The following NCKAP1 variants were observed in gnomAD, a reference collection of about 807,000 sequenced individuals.
NCKAP1 encodes nck-associated protein 1.
NCKAP1 carries 21 observed loss-of-function variants against 151.2 expected under a neutral mutation model. The ratio of observed to expected loss-of-function variants is 0.14; its 90% CI spans 0.10 to 0.20. The LOEUF (loss-of-function observed/expected upper bound fraction) is 0.20, where lower values mean the gene tolerates loss of function less well. Among genes scored for constraint, NCKAP1 ranks in the 10% least tolerant of loss-of-function variants. The pLI, the probability that NCKAP1 is intolerant of heterozygous loss-of-function variation, is 1.00. For synonymous variants in NCKAP1, 484 were observed against 451.8 expected, an observed-to-expected ratio of 1.07 and a Z score of -0.90; for missense variants, 933 against 1,352.1, an observed-to-expected ratio of 0.69 and a Z score of 4.86.
At chr2:183,032,250 C>G (rs1197221784) in intron 1 of NCKAP1, among the ~76,000 whole-genome samples, 1 of 152,194 alleles carries the variant, frequency 6.6e-6, no homozygotes, top group Non-Finnish European at 1.5e-5. Flanking sequence ...TATCTAGAAT[C>G]TAGCTCTCTC....
chr2:182,955,615 A>G (rs1251870071), intron 20 of NCKAP1, among the ~76,000 whole-genome samples: 1 of 152,204 alleles, frequency 6.6e-6, no homozygotes, highest in African/African-American at 2.4e-5. Context: ...GAAAACATGT[A>G]AGGGTTCATC....
At chr2:182,969,348 T>G (rs960790545) in intron 15 of NCKAP1, among the ~76,000 whole-genome samples, 18 of 152,042 alleles carry the variant, frequency 1.2e-4, no homozygotes, top group African/African-American at 4.3e-4. Flanking sequence ...CTGAACAATG[T>G]AGAAATTAAG....
intron 8 of NCKAP1, among the ~76,000 whole-genome samples, chr2:182,990,642 A>G (rs1169902452): frequency 6.6e-6 from 1 of 152,110 alleles, no homozygotes. Context: ...CTATATATAC[A>G]AGGTTCTGTA....
At chr2:183,004,921 G>A (rs1575060339) in intron 2 of NCKAP1, among the ~76,000 whole-genome samples, 1 of 150,884 alleles carries the variant, frequency 6.6e-6, no homozygotes, top group Non-Finnish European at 1.5e-5. Flanking sequence ...ATTCACAAAT[G>A]AAATATTTCA....
chr2:182,929,031 T>C, intron 27 of NCKAP1, 132 bp from the exon 28 acceptor site: 1 of 589,330 alleles, frequency 1.7e-6, no homozygotes, highest in Non-Finnish European at 3.0e-6. Flanking sequence ...ACTATTTTAC[T>C]AGCATTCTAT....
At chr2:182,994,523 C>G (rs940901710) in intron 8 of NCKAP1, among the ~76,000 whole-genome samples, 1 of 151,908 alleles carries the variant, frequency 6.6e-6, no homozygotes, top group Non-Finnish European at 1.5e-5. Context: ...CCTGTTGTCC[C>G]GGCTACTCGG....
In NCKAP1 at chr2:183,012,826, T is replaced by G. The variant is rs191657585; in HGVS notation, c.220-9501A>C. The stretch of plus-strand genomic sequence containing the variant: ...CTTTAGTAGAGACAGGGTTTCACCA[T>G]GTTGGTCAGGCTGGTCTCGAACTCC... On this transcript the variant is annotated intron_variant, in intron 2 of 30. Coordinates refer to ENST00000361354, the MANE Select transcript of NCKAP1 (RefSeq NM_013436.5). Among the ~76,000 whole-genome samples the G allele has an allele frequency of 6.3e-3, 949 of 150,140 alleles. 9 individuals are homozygous for G. The highest frequency in any genetic ancestry group is 0.022 in the African/African-American group (899 of 40,402).
rs1696495976 is a variant in NCKAP1, at chr2:182,918,223, G to C, written c.*7479C>G. 6.6e-6 allele frequency: 1 copy of C among 152,186 alleles called. No individual in the cohort carries two copies. Among genetic ancestry groups the C allele is most frequent in the South Asian group, 2.1e-4 (1 of 4,826 alleles). 9.4% of individuals were successfully genotyped at this position (152,186 alleles called of 1,614,324 possible). A position where few individuals can be genotyped will look rare whatever the true frequency, so the allele number is the denominator to read the frequency against. On this transcript the variant is annotated 3_prime_UTR_variant, in exon 31 of 31. Transcript: ENST00000361354. ...GAAGTAATGGATATGAAAATGTCTAGTATCAAGAGTAGCATAATGTAAGCC... is the reference window on the plus strand; with the variant it reads ...GAAGTAATGGATATGAAAATGTCTACTATCAAGAGTAGCATAATGTAAGCC...
intron 23 of NCKAP1, among the ~76,000 whole-genome samples, chr2:182,945,463 TC>T (rs1489297996): frequency 1.3e-5 from 2 of 151,086 alleles, no homozygotes; most frequent in Non-Finnish European, 2.9e-5. Context: ...ATATTACAAT[TC>T]CCCCCAAAAC....
intron 1 of NCKAP1, among the ~76,000 whole-genome samples, chr2:183,037,597 G>C (rs1049358518): frequency 6.6e-6 from 1 of 152,150 alleles, no homozygotes; most frequent in Non-Finnish European, 1.5e-5. Context: ...TAAGAATATG[G>C]AACACTCAAG....
intron 19 of NCKAP1, 72 bp downstream of exon 19, chr2:182,957,385 T>G: frequency 6.8e-7 from 1 of 1,466,578 alleles, no homozygotes; most frequent in Non-Finnish European, 9.2e-7. Context: ...TCCTCAGTAC[T>G]AATGTCAATA....
rs374212956 is a variant in NCKAP1, at chr2:182,962,190, A to G, written c.1850T>C (p.Ile617Thr). ...ACTAAGGGTACACTGTTCTGTGCAAATATCAGTGATGAGATTTCGAGCTTG... is the reference window on the plus strand; with the variant it reads ...ACTAAGGGTACACTGTTCTGTGCAAGTATCAGTGATGAGATTTCGAGCTTG... ...AKQARNLITD[I>T]CTEQCTLSDQ... is the part of the protein sequence containing the mutation. Residue 617 changes from isoleucine to threonine, a missense_variant, in exon 18 of 31, where the codon ATT (isoleucine) becomes ACT (threonine). Coordinates refer to ENST00000361354, the MANE Select transcript of NCKAP1 (RefSeq NM_013436.5). 81 of 1,612,950 alleles carry G rather than the reference A, an allele frequency of 5.0e-5. No homozygotes were observed. Among genetic ancestry groups the G allele is most frequent in the Non-Finnish European group, 6.4e-5 (75 of 1,179,384 alleles).
At chr2:182,927,883 T>C (rs934072754) in intron 29 of NCKAP1, among the ~76,000 whole-genome samples, 1 of 151,868 alleles carries the variant, frequency 6.6e-6, no homozygotes, top group African/African-American at 2.4e-5. Flanking sequence ...GGACGGCTCC[T>C]CGATTTTAAT....
chr2:183,008,107 G>A (rs1429421517), intron 2 of NCKAP1, among the ~76,000 whole-genome samples: 3 of 152,128 alleles, frequency 2.0e-5, no homozygotes, highest in African/African-American at 7.2e-5. Context: ...TATATTTTTA[G>A]TAGAGATGGG....
intron 2 of NCKAP1, among the ~76,000 whole-genome samples, chr2:183,009,426 GGAAGGAA>G (rs1698544844): frequency 3.2e-5 from 2 of 61,662 alleles, no homozygotes; most frequent in East Asian, 7.8e-4. Context: ...GGGAAGGGAA[GGAAGGAA>G]GGAAGGAAGG....
intron 16 of NCKAP1, among the ~76,000 whole-genome samples, chr2:182,965,703 T>C (rs1480110431): frequency 6.6e-6 from 1 of 152,200 alleles, no homozygotes; most frequent in Non-Finnish European, 1.5e-5. Context: ...TTTCAAACAT[T>C]ATTCAAAGTG....
At chr2:183,036,980 A>T (rs1699114378) in intron 1 of NCKAP1, among the ~76,000 whole-genome samples, 1 of 152,192 alleles carries the variant, frequency 6.6e-6, no homozygotes, top group African/African-American at 2.4e-5. Context: ...AAATTTTCCA[A>T]ATATCTCTTT....
chr2:182,934,784 TA>T lies in NCKAP1; in HGVS notation c.2826del (p.Phe942LeufsTer11). On this transcript the variant is annotated frameshift_variant, in exon 26 of 31. Coordinates refer to ENST00000361354, the MANE Select transcript of NCKAP1 (RefSeq NM_013436.5). LOFTEE classifies it high-confidence loss of function. ...TCAGTTTCCCTTGGAATGTGATCCT[TA>T]AAATCTTCAATTGAACTTACAAGAA... ...IPFLVSSIED[F>X]KDHIPRETDM... 1 of 1,492,112 alleles carries T rather than the reference TA, an allele frequency of 6.7e-7. No individual in the cohort carries two copies. Among genetic ancestry groups the T allele is most frequent in the Non-Finnish European group, 9.3e-7 (1 of 1,074,178 alleles). The allele number at this position is 1,492,112 out of a possible 1,614,324, so 92.4% of individuals were successfully genotyped here.
rs184444838 is a variant in NCKAP1, at chr2:183,037,943, C to A, written c.108+49G>T. The A allele has an allele frequency of 4.2e-4, 619 of 1,461,408 alleles. 2 individuals carry two copies. The African/African-American group carries it at 7.9e-3, about 19-fold the overall frequency. The allele number at this position is 1,461,408 out of a possible 1,614,324, so 90.5% of individuals were successfully genotyped here. On this transcript the variant is annotated intron_variant, in intron 1 of 30. Coordinates refer to ENST00000361354, the MANE Select transcript of NCKAP1 (RefSeq NM_013436.5). The stretch of plus-strand genomic sequence containing the variant: ...CCCACGGCCTCCCTTGCCCTTCATC[C>A]CTCCCGGGCCCGCCCGCCTCCGCCG...
Sources: gnomAD v4.1 joint callset for allele counts (sites outside exome capture counted in the v4.1 genomes callset) on GRCh38, gnomAD v4.1.1 for gene constraint, MANE v1.5 for transcripts, NCBI Gene and HGNC (gene_info 2026-07-23, HGNC 2026-07-21) for gene names.